Variants in ZNF320 observed in about 807,000 individuals in gnomAD.
ZNF320 encodes zinc finger gene 320.
Under a neutral mutation model 6.8 loss-of-function variants are expected in ZNF320, and 2 were observed. The ratio of observed to expected loss-of-function variants is 0.29; its 90% CI spans 0.12 to 0.93. ZNF320 has a LOEUF of 0.93. ZNF320 is among the 40% of genes least tolerant of loss of function. ZNF320 has a pLI of 0.55. For missense variants in ZNF320, 472 were observed against 611.0 expected (o/e 0.77, Z 2.40); for synonymous variants, 208 against 203.2 (o/e 1.02, Z -0.20).
chr19:52,896,353 A>C (rs1319205296), intron 1 of ZNF320, among the ~76,000 whole-genome samples: 1 of 152,146 alleles, frequency 6.6e-6, no homozygotes, highest in African/African-American at 2.4e-5. Flanking sequence ...GGCCTCCCAA[A>C]GTGCTGGGAT....
upstream of ZNF320, among the ~76,000 whole-genome samples, chr19:52,898,441 A>G (rs886377075): frequency 3.9e-5 from 6 of 152,190 alleles, no homozygotes; most frequent in African/African-American, 1.4e-4. Context: ...GCGACAAAGT[A>G]AGACCCTCTA....
downstream of ZNF320, among the ~76,000 whole-genome samples, chr19:52,872,657 G>C (rs188551860): frequency 6.6e-6 from 1 of 151,994 alleles, no homozygotes; most frequent in African/African-American, 2.4e-5. Flanking sequence ...GCCCACCACC[G>C]GGCCCGGCTA....
At chr19:52,871,741 A>G (rs2147785092), downstream of ZNF320, among the ~76,000 whole-genome samples, 1 of 152,346 alleles carries the variant, frequency 6.6e-6, no homozygotes, top group Middle Eastern at 3.4e-3. Flanking sequence ...ACACTGAAAA[A>G]GAGGCAGCTG....
chr19:52,881,586 C>G lies in ZNF320; in HGVS notation c.540G>C (p.Arg180Ser). The stretch of plus-strand genomic sequence containing the variant: ...ATGGTTTCTCTCCAGTATGAATTAT[C>G]CTATGTATTTCAAGATGTGATTTGC... ...FSCKSHLEIH[R>S]IIHTGEKPYK... The change falls in exon 6 of 6, where the codon AGG (arginine) becomes AGC (serine). Residue 180 changes from arginine (R) to serine (S), a missense_variant. Coordinates refer to ENST00000682928, the MANE Select transcript of ZNF320 (RefSeq NM_001351774.2). 6.2e-7 allele frequency: 1 copy of G among 1,613,924 alleles called. No individual in the cohort carries two copies. The highest frequency in any genetic ancestry group is 8.5e-7 in the Non-Finnish European group (1 of 1,179,936).
downstream of ZNF320, among the ~76,000 whole-genome samples, chr19:52,875,852 A>G (rs1041982028): frequency 1.3e-5 from 2 of 152,214 alleles, no homozygotes; most frequent in Non-Finnish European, 1.5e-5. Context: ...TTCAATGTCT[A>G]AGGTCCTGAT....
intron 4 of ZNF320, among the ~76,000 whole-genome samples, chr19:52,889,550 AC>A (rs761316974): frequency 3.9e-5 from 6 of 152,124 alleles, no homozygotes; most frequent in Non-Finnish European, 8.8e-5. Context: ...AAAAATTGTA[AC>A]CAGTTTTACC....
chr19:52,879,856 A>G lies in ZNF320; in HGVS notation c.*740T>C, dbSNP rs8110274. On this transcript the variant is annotated 3_prime_UTR_variant, in exon 6 of 6. Coordinates refer to ENST00000682928, the MANE Select transcript of ZNF320 (RefSeq NM_001351774.2). ...TTCATTTGCTAAAGAACTTAAAGTAAGAAATACTTAGGAATAAATGAAAAA... is the reference window on the plus strand; with the variant it reads ...TTCATTTGCTAAAGAACTTAAAGTAGGAAATACTTAGGAATAAATGAAAAA... 124 of 152,374 alleles carry G rather than the reference A, an allele frequency of 8.1e-4. No individual in the cohort carries two copies. The highest frequency in any genetic ancestry group is 2.9e-3 in the African/African-American group (121 of 41,602). The allele number at this position is 152,374 out of a possible 1,614,324, so 9.4% of individuals were successfully genotyped here.
At chr19:52,866,124 GTATGAT>G (rs2063564701) in intron 5 of ZNF320, among the ~76,000 whole-genome samples, 1 of 27,812 alleles carries the variant, frequency 3.6e-5, no homozygotes, top group Non-Finnish European at 7.1e-5. Flanking sequence ...ATTTATATAT[GTATGAT>G]TATACATATA....
rs1787413049 is a variant in ZNF320 at position 52,879,908 on chromosome 19, TACAA to T, written c.*684_*687del. 1 of 152,230 alleles carries T rather than the reference TACAA, an allele frequency of 6.6e-6. No homozygotes were observed. Among genetic ancestry groups the T allele is most frequent in the Non-Finnish European group, 1.5e-5 (1 of 68,038 alleles). The allele number at this position is 152,230 out of a possible 1,614,324, so 9.4% of individuals were successfully genotyped here. A position where few individuals can be genotyped will look rare whatever the true frequency, so the allele number is the denominator to read the frequency against. Reference sequence around the variant, plus strand: ...GTTGAGAAGTTTCTACCTTCAAATCTACAAACATTGATCAAAGTGATAAAAACAT... The same window carrying T: ...GTTGAGAAGTTTCTACCTTCAAATCTACATTGATCAAAGTGATAAAAACAT... On this transcript the variant is annotated 3_prime_UTR_variant, in exon 6 of 6. Coordinates refer to ENST00000682928, the MANE Select transcript of ZNF320 (RefSeq NM_001351774.2).
chr19:52,892,737 G>C (rs11084203), intron 2 of ZNF320, among the ~76,000 whole-genome samples: 97,725 of 150,676 alleles, frequency 0.65, 32,649 homozygotes, highest in African/African-American at 0.81. Flanking sequence ...CTGTTAAATT[G>C]TCTCTTCCTT....
chr19:52,887,661 A>G (rs1422936254), intron 5 of ZNF320, among the ~76,000 whole-genome samples: 1 of 152,126 alleles, frequency 6.6e-6, no homozygotes. Context: ...TTCTCGGCTC[A>G]CTGCAACCTT....
the ZNF320 span, among the ~76,000 whole-genome samples, chr19:52,902,907 C>T: frequency 1.3e-4 from 20 of 152,220 alleles, no homozygotes; most frequent in South Asian, 4.1e-4. Context: ...ACCTTTTTAA[C>T]TTTAGCTAAT....
downstream of ZNF320, among the ~76,000 whole-genome samples, chr19:52,859,509 T>G (rs2063473856): frequency 6.6e-6 from 1 of 152,160 alleles, no homozygotes; most frequent in Non-Finnish European, 1.5e-5. Flanking sequence ...ATTATAGAGT[T>G]TATTGGAACA....
chr19:52,898,995 T>G (rs2064550547), upstream of ZNF320, among the ~76,000 whole-genome samples: 1 of 152,232 alleles, frequency 6.6e-6, no homozygotes, highest in African/African-American at 2.4e-5. Flanking sequence ...CTGTCTTCCT[T>G]TATTTCTTCT....
exon 6 of ZNF320, chr19:52,864,148 A>C: frequency 3.8e-6 from 1 of 262,252 alleles, no homozygotes; most frequent in Non-Finnish European, 7.9e-6. Flanking sequence ...CATCTCTGAA[A>C]GTCAAGTATC....
chr19:52,885,716 C>CA (rs1476601153), intron 5 of ZNF320, among the ~76,000 whole-genome samples: 66 of 147,274 alleles, frequency 4.5e-4, no homozygotes, highest in African/African-American at 8.5e-4. Flanking sequence ...AACTCTGTCT[C>CA]AAAAAAATAA....
At position 52,891,243 on chromosome 19, in the gene ZNF320, C is replaced by T. The variant is rs1019271231; in HGVS notation, c.-88G>A. The T allele has an allele frequency of 6.6e-6, 1 of 151,950 alleles. No homozygotes were observed. The highest frequency in any genetic ancestry group is 1.5e-5 in the Non-Finnish European group (1 of 67,964). The allele number at this position is 151,950 out of a possible 1,614,324, so 9.4% of individuals were successfully genotyped here. A position where few individuals can be genotyped will look rare whatever the true frequency, so the allele number is the denominator to read the frequency against. On this transcript the variant is annotated 5_prime_UTR_variant, in exon 3 of 6. Transcript: ENST00000682928. ...GTGGCACGCACCTGTATCTCAGCTA[C>T]TTGGTAGGCTGAGGCACAAGAATCA...
At chr19:52,897,238 G>A (rs2064501572) in intron 1 of ZNF320, among the ~76,000 whole-genome samples, 3 of 152,358 alleles carry the variant, frequency 2.0e-5, no homozygotes, top group Admixed American at 6.5e-5. Context: ...GGTGGCGTCT[G>A]CAGGATCTTA....
upstream of ZNF320, among the ~76,000 whole-genome samples, chr19:52,901,643 T>C (rs979248579): frequency 5.3e-5 from 8 of 152,302 alleles, no homozygotes; most frequent in Admixed American, 5.2e-4. Flanking sequence ...CAAACTTCAA[T>C]GGTTATGTGG....
Sources: gnomAD v4.1 joint callset for allele counts (sites outside exome capture counted in the v4.1 genomes callset) on GRCh38, gnomAD v4.1.1 for gene constraint, MANE v1.5 for transcripts, NCBI Gene and HGNC (gene_info 2026-07-23, HGNC 2026-07-21) for gene names.